The following USP8 variants were observed in gnomAD, a reference collection of about 807,000 sequenced individuals.
USP8 encodes ubiquitin specific peptidase 8.
USP8 carries 27 observed loss-of-function variants against 130.0 expected under a neutral mutation model. The ratio of observed to expected loss-of-function variants is 0.21; its 90% CI spans 0.15 to 0.29. The LOEUF (loss-of-function observed/expected upper bound fraction) is 0.29, where lower values mean the gene tolerates loss of function less well. Among genes scored for constraint, USP8 ranks in the 10% least tolerant of loss-of-function variants. The pLI is 1.00. For synonymous variants in USP8, 392 were observed against 444.1 expected, an observed-to-expected ratio of 0.88 and a Z score of 1.48; for missense variants, 1,029 against 1,312.2, an observed-to-expected ratio of 0.78 and a Z score of 3.33.
At chr15:50,434,394 C>T (rs1401978983) in intron 1 of USP8, among the ~76,000 whole-genome samples, 2 of 151,502 alleles carry the variant, frequency 1.3e-5, no homozygotes, top group East Asian at 2.0e-4. Context: ...TGAGCCACCA[C>T]GCCCGGCTGC....
intron 2 of USP8, 62 bp from the exon 3 acceptor site, chr15:50,441,287 A>G (rs1427802220): frequency 1.2e-5 from 17 of 1,463,138 alleles, no homozygotes; most frequent in Non-Finnish European, 1.5e-5. Context: ...GACTTTGTAT[A>G]TGACCTGTAT....
intron 6 of USP8, among the ~76,000 whole-genome samples, chr15:50,462,963 C>T (rs1012752666): frequency 2.6e-5 from 4 of 151,700 alleles, no homozygotes; most frequent in African/African-American, 7.3e-5. Flanking sequence ...AAAAAAAAAT[C>T]GAGGCCAGGC....
Position 50,511,284 on chromosome 15 carries a change from G to A in USP8, c.*12196G>A, listed in dbSNP as rs1373151049. On this transcript the variant is annotated 3_prime_UTR_variant, in exon 20 of 20. Coordinates refer to ENST00000307179, the MANE Select transcript of USP8 (RefSeq NM_005154.5). ...ATGAGAGGCAGTAACAAGTTCGGTTGAGGATGTGGGGAAACTGGAACCTTA... is the reference window on the plus strand; with the variant it reads ...ATGAGAGGCAGTAACAAGTTCGGTTAAGGATGTGGGGAAACTGGAACCTTA... The A allele has an allele frequency of 6.6e-6, 1 of 152,188 alleles. No homozygotes were observed. The highest frequency in any genetic ancestry group is 2.4e-5 in the African/African-American group (1 of 41,450). The allele number at this position is 152,188 out of a possible 1,614,324, so 9.4% of individuals were successfully genotyped here.
At chr15:50,454,915 C>T (rs2050744150) in intron 4 of USP8, among the ~76,000 whole-genome samples, 1 of 151,864 alleles carries the variant, frequency 6.6e-6, no homozygotes, top group Admixed American at 6.6e-5. Context: ...GTAGGTGGGA[C>T]TAAAGGCACA....
chr15:50,450,981 A>G (rs189570717), intron 4 of USP8, among the ~76,000 whole-genome samples: 1 of 152,308 alleles, frequency 6.6e-6, no homozygotes, highest in African/African-American at 2.4e-5. Flanking sequence ...TTAGTGAAAA[A>G]CAGCAAACTG....
chr15:50,506,974 A>G lies in USP8; in HGVS notation c.*7886A>G, dbSNP rs1267714349. 6.6e-6 allele frequency: 1 copy of G among 150,932 alleles called. No individual in the cohort carries two copies. Among genetic ancestry groups the G allele is most frequent in the African/African-American group, 2.5e-5 (1 of 40,330 alleles). The allele number at this position is 150,932 out of a possible 1,614,324, so 9.3% of individuals were successfully genotyped here. A position where few individuals can be genotyped will look rare whatever the true frequency, so the allele number is the denominator to read the frequency against. On this transcript the variant is annotated 3_prime_UTR_variant, in exon 20 of 20. Transcript: ENST00000307179. ...CTTCATCTCAAAAAAAAAAAAAAAA[A>G]AAAAAAAAAAAAAAAATCCAGTTTT...
At position 50,493,411 on chromosome 15, in the gene USP8, C is replaced by T. The variant is rs150860422; in HGVS notation, c.2447+498C>T. On this transcript the variant is annotated intron_variant, in intron 15 of 19. Transcript: ENST00000307179. ...CTTTCAAACCATAGTACTTACCACT[C>T]AGCTCCAGAAAAGTCAAATTAGGAA... 224 of 519,116 alleles carry T rather than the reference C, an allele frequency of 4.3e-4. 2 individuals are homozygous for T. The East Asian group carries it at 0.01, about 24-fold the overall frequency. 32.2% of individuals were successfully genotyped at this position (519,116 alleles called of 1,614,324 possible). A position where few individuals can be genotyped will look rare whatever the true frequency, so the allele number is the denominator to read the frequency against.
chr15:50,425,114 G>C (rs1171500025), intron 1 of USP8, among the ~76,000 whole-genome samples: 2 of 152,020 alleles, frequency 1.3e-5, no homozygotes, highest in African/African-American at 4.8e-5. Flanking sequence ...GCATTATAAA[G>C]CTGCAGACCA....
rs187926884 is a variant in USP8, at chr15:50,449,837, T to A, written c.335+352T>A. ...ACCTTCTGATCCTCCTGCCTCGGCC[T>A]CCCAAAGTGCTGGGATTACAGGTGT... On this transcript the variant is annotated intron_variant, in intron 4 of 19. Coordinates refer to ENST00000307179, the MANE Select transcript of USP8 (RefSeq NM_005154.5). 1.0e-3 allele frequency among the ~76,000 whole-genome samples: 151 copies of A among 147,224 alleles called. 1 individual carries two copies. The highest frequency in any genetic ancestry group is 3.7e-3 in the African/African-American group (148 of 39,946).
chr15:50,511,727 T>C lies in USP8; in HGVS notation c.*12639T>C, dbSNP rs1293332252. On this transcript the variant is annotated 3_prime_UTR_variant, in exon 20 of 20. Transcript: ENST00000307179. ...AATACCCAGAATAGGCCAGGCACTG[T>C]GGCTCACGCCTGTAATCCCAGCACC... The C allele has an allele frequency of 1.3e-5, 2 of 152,302 alleles. No homozygotes were observed. The highest frequency in any genetic ancestry group is 2.4e-5 in the African/African-American group (1 of 41,472). 9.4% of individuals were successfully genotyped at this position (152,302 alleles called of 1,614,324 possible).
rs137883321 is a variant in USP8 at position 50,470,143 on chromosome 15, A to G, written c.687-1490A>G. On this transcript the variant is annotated intron_variant, in intron 7 of 19. Coordinates refer to ENST00000307179, the MANE Select transcript of USP8 (RefSeq NM_005154.5). ...CCACCGCGTCCAGCTGATTAAACCA[A>G]TATTCACTGAACACTTTCTGTGGGC... Among the ~76,000 whole-genome samples, 9 of 152,292 alleles carry G rather than the reference A, an allele frequency of 5.9e-5. No individual in the cohort carries two copies. The East Asian group carries it at 1.7e-3, about 29-fold the overall frequency.
At chr15:50,464,754 T>C (rs1008769713) in intron 6 of USP8, among the ~76,000 whole-genome samples, 2 of 152,172 alleles carry the variant, frequency 1.3e-5, no homozygotes, top group Admixed American at 6.5e-5. Context: ...CTCAGGAGGC[T>C]GAGGCAGGAG....
Position 50,481,850 on chromosome 15 carries a change from A to G in USP8, c.1588A>G (p.Ser530Gly), listed in dbSNP as rs1317353746. ...AAAAGAAGAAATGGAGAAGAAAGAA[A>G]GTGAACAGGCCAAGAAAGAAGATAA... Reference protein sequence around the residue: ...KAKEEMEKKESEQAKKEDKET... With the variant: ...KAKEEMEKKEGEQAKKEDKET... Residue 530 changes from serine to glycine, a missense_variant, in exon 11 of 20, where the codon AGT becomes GGT. Physicochemically the swap from Ser to Gly is moderately conservative, Grantham distance 56. Around this residue, in one of 4 missense-constraint regions of USP8, gnomAD observed 486 missense variants for 522.0 expected, o/e 0.93. Coordinates refer to ENST00000307179, the MANE Select transcript of USP8 (RefSeq NM_005154.5). 1 of 1,532,160 alleles carries G rather than the reference A, an allele frequency of 6.5e-7. No individual in the cohort carries two copies. The highest frequency in any genetic ancestry group is 8.7e-7 in the Non-Finnish European group (1 of 1,145,604). The allele number at this position is 1,532,160 out of a possible 1,614,324, so 94.9% of individuals were successfully genotyped here.
chr15:50,446,215 T>C (rs1282363964), intron 3 of USP8, among the ~76,000 whole-genome samples: 1 of 152,208 alleles, frequency 6.6e-6, no homozygotes, highest in African/African-American at 2.4e-5. Flanking sequence ...TTGGATGTTA[T>C]CTTTTTCTTC....
rs376617127 is a variant in USP8 at position 50,449,349 on chromosome 15, A to C, written c.250-51A>C. The C allele has an allele frequency of 3.0e-5, 36 of 1,214,366 alleles. No individual in the cohort carries two copies. The African/African-American group carries it at 3.9e-4, about 13-fold the overall frequency. 75.2% of individuals were successfully genotyped at this position (1,214,366 alleles called of 1,614,324 possible). A position where few individuals can be genotyped will look rare whatever the true frequency, so the allele number is the denominator to read the frequency against. On this transcript the variant is annotated intron_variant, in intron 3 of 19. Coordinates refer to ENST00000307179, the MANE Select transcript of USP8 (RefSeq NM_005154.5). ...TTTTAATGATTTTAACACTAGTGTCACATGCAATGCCGAGAACTAACAATA... is the reference window on the plus strand; with the variant it reads ...TTTTAATGATTTTAACACTAGTGTCCCATGCAATGCCGAGAACTAACAATA...
At chr15:50,428,214 T>G (rs1353467667) in intron 1 of USP8, among the ~76,000 whole-genome samples, 1 of 152,132 alleles carries the variant, frequency 6.6e-6, no homozygotes, top group African/African-American at 2.4e-5. Context: ...TCTGATGGGT[T>G]CAAGCAATTC....
chr15:50,496,958 A>AGGCAGGAACTCTTTT (rs755462478), intron 17 of USP8, 131 bp from the exon 18 acceptor site: 14 of 1,169,148 alleles, frequency 1.2e-5, no homozygotes, highest in Non-Finnish European at 1.5e-5. Flanking sequence ...AGCTTTGGGA[A>AGGCAGGAACTCTTTT]GGCAGGAACT....
chr15:50,471,077 T>A (rs1345173827), intron 7 of USP8, among the ~76,000 whole-genome samples: 1 of 152,206 alleles, frequency 6.6e-6, no homozygotes, highest in Non-Finnish European at 1.5e-5. Context: ...AATCTGTTCG[T>A]GCCTCAGTTT....
At chr15:50,491,205 G>A (rs912373706) in intron 14 of USP8, among the ~76,000 whole-genome samples, 1 of 152,098 alleles carries the variant, frequency 6.6e-6, no homozygotes, top group Admixed American at 6.6e-5. Context: ...GAGGAGGGGG[G>A]CAATAGGTGG....
Sources: allele counts gnomAD v4.1 joint callset (sites outside exome capture counted in the v4.1 genomes callset), GRCh38; gene constraint gnomAD v4.1.1; regional missense constraint gnomAD v4.1.1; transcripts MANE v1.5; gene names NCBI Gene and HGNC (gene_info 2026-07-23, HGNC 2026-07-21).